Variants in OPCML observed in about 807,000 individuals in gnomAD.
The protein encoded by OPCML is opioid-binding protein/cell adhesion molecule.
Under a neutral mutation model 37.8 loss-of-function variants are expected in OPCML, and 13 were observed. That is an observed-to-expected ratio of 0.34 (90% CI 0.22 to 0.55). The LOEUF (loss-of-function observed/expected upper bound fraction) is 0.55, where lower values mean the gene tolerates loss of function less well. Among genes scored for constraint, OPCML ranks in the 20% least tolerant of loss-of-function variants. The pLI is 0.91. For missense variants in OPCML, 341 were observed against 435.6 expected, an observed-to-expected ratio of 0.78 and a Z score of 1.93; for synonymous variants, 176 against 168.8, an observed-to-expected ratio of 1.04 and a Z score of -0.33.
At chr11:133,478,832 A>AT (rs11409105) in intron 1 of OPCML, among the ~76,000 whole-genome samples, 22,587 of 146,312 alleles carry the variant, frequency 0.15, 4,399 homozygotes, top group African/African-American at 0.46. Context: ...TGCTGTAACC[A>AT]TTTTTTTTTT....
chr11:132,932,136 T>C (rs772520917), intron 2 of OPCML, among the ~76,000 whole-genome samples: 1 of 152,154 alleles, frequency 6.6e-6, no homozygotes, highest in Non-Finnish European at 1.5e-5. Context: ...GAATAGTAGT[T>C]TCCAGAAGCT....
At chr11:133,351,689 A>G (rs902136570) in intron 1 of OPCML, among the ~76,000 whole-genome samples, 30 of 152,048 alleles carry the variant, frequency 2.0e-4, no homozygotes, top group Admixed American at 1.2e-3. Flanking sequence ...CCAAACCTAT[A>G]TCCTTAACCC....
intron 3 of OPCML, among the ~76,000 whole-genome samples, chr11:132,584,875 C>T (rs375432560): frequency 4.6e-5 from 7 of 152,202 alleles, no homozygotes; most frequent in African/African-American, 1.7e-4. Flanking sequence ...CGACAGAAAA[C>T]AGAAAGTAGC....
intron 1 of OPCML, among the ~76,000 whole-genome samples, chr11:133,090,535 G>A (rs557575547): frequency 6.6e-6 from 1 of 152,280 alleles, no homozygotes; most frequent in Non-Finnish European, 1.5e-5. Context: ...GAGAAATAAT[G>A]TATTAGAAAC....
intron 2 of OPCML, among the ~76,000 whole-genome samples, chr11:132,823,348 C>T (rs1940104824): frequency 6.6e-6 from 1 of 152,174 alleles, no homozygotes; most frequent in Non-Finnish European, 1.5e-5. Flanking sequence ...ATTTAGGAAA[C>T]TATCCGCACC....
intron 1 of OPCML, among the ~76,000 whole-genome samples, chr11:133,470,544 A>G (rs1229047648): frequency 6.6e-6 from 1 of 152,136 alleles, no homozygotes; most frequent in Non-Finnish European, 1.5e-5. Context: ...AAGCTGGCAA[A>G]GTGTGATGTC....
At position 132,703,852 on chromosome 11, in the gene OPCML, T is replaced by C. The variant is rs565417620; in HGVS notation, c.147-46533A>G. ...TAGGGCAGGCCTCAGCCTGAGTCCA[T>C]GAATCTAGCCTGGTGCTGAGGCAGG... On this transcript the variant is annotated intron_variant, in intron 2 of 7. Coordinates refer to ENST00000524381, the MANE Select transcript of OPCML (RefSeq NM_001012393.5). Among the ~76,000 whole-genome samples the C allele has an allele frequency of 2.2e-4, 33 of 152,262 alleles. 1 individual carries two copies. The Middle Eastern group carries it at 0.017, about 78-fold the overall frequency.
At chr11:132,960,465 A>G (rs1340276580) in intron 1 of OPCML, among the ~76,000 whole-genome samples, 1 of 152,182 alleles carries the variant, frequency 6.6e-6, no homozygotes, top group African/African-American at 2.4e-5. Flanking sequence ...GTGGAGGTCA[A>G]CAGGGGAACA....
intron 1 of OPCML, among the ~76,000 whole-genome samples, chr11:133,518,708 G>A (rs11602002): frequency 1.3e-5 from 2 of 149,504 alleles, no homozygotes; most frequent in South Asian, 2.1e-4. Flanking sequence ...GGCAGTGGCA[G>A]GTGCTGGTGT....
chr11:132,422,283 G>A (rs535195947), intron 7 of OPCML, among the ~76,000 whole-genome samples: 10 of 152,180 alleles, frequency 6.6e-5, no homozygotes, highest in Non-Finnish European at 1.2e-4. Flanking sequence ...CCATGCCATC[G>A]GCCCAAGGTT....
At chr11:132,953,866 A>T (rs1233784364) in intron 1 of OPCML, among the ~76,000 whole-genome samples, 1 of 152,170 alleles carries the variant, frequency 6.6e-6, no homozygotes, top group Non-Finnish European at 1.5e-5. Flanking sequence ...TATTTAAAGA[A>T]CGAGCAAAAT....
chr11:133,230,709 C>G (rs1031055281), intron 1 of OPCML, among the ~76,000 whole-genome samples: 17 of 152,152 alleles, frequency 1.1e-4, no homozygotes, highest in Non-Finnish European at 1.5e-5. Context: ...TCAGCCTGGC[C>G]ACCCCATCAC....
intron 1 of OPCML, among the ~76,000 whole-genome samples, chr11:133,473,104 T>C (rs190464938): frequency 5.3e-5 from 8 of 152,302 alleles, no homozygotes; most frequent in Non-Finnish European, 1.0e-4. Context: ...CAAATCATTC[T>C]TCAGGAAAGA....
At chr11:132,825,211 G>A (rs1940229331) in intron 2 of OPCML, among the ~76,000 whole-genome samples, 1 of 152,032 alleles carries the variant, frequency 6.6e-6, no homozygotes, top group Non-Finnish European at 1.5e-5. Flanking sequence ...CTGGCACGTA[G>A]CCTAATTTAA....
intron 1 of OPCML, among the ~76,000 whole-genome samples, chr11:133,213,986 G>C (rs1231073684): frequency 6.6e-6 from 1 of 152,120 alleles, no homozygotes; most frequent in Non-Finnish European, 1.5e-5. Context: ...TCAGATGTAT[G>C]ATGAAAATGG....
intron 3 of OPCML, among the ~76,000 whole-genome samples, chr11:132,586,551 G>T (rs976755453): frequency 6.6e-6 from 1 of 152,186 alleles, no homozygotes; most frequent in African/African-American, 2.4e-5. Context: ...GAAGCATTTT[G>T]TATACTCCTG....
chr11:132,637,044 C>G (rs1410032298), intron 3 of OPCML, among the ~76,000 whole-genome samples: 2 of 152,114 alleles, frequency 1.3e-5, no homozygotes, highest in Non-Finnish European at 2.9e-5. Context: ...ACTAGCCAAG[C>G]ATTTAATCAC....
intron 1 of OPCML, among the ~76,000 whole-genome samples, chr11:133,202,054 T>C (rs1022919884): frequency 8.6e-5 from 13 of 151,896 alleles, no homozygotes; most frequent in Middle Eastern, 3.2e-3. Flanking sequence ...ACATAAAAAA[T>C]AATTCACTGT....
intron 4 of OPCML, among the ~76,000 whole-genome samples, chr11:132,527,346 G>A (rs7951418): frequency 0.011 from 1,633 of 152,232 alleles, 32 homozygotes; most frequent in African/African-American, 0.037. Flanking sequence ...CACAGTTGCA[G>A]AGTTAATATA....
Sources: gnomAD v4.1 joint callset for allele counts (sites outside exome capture counted in the v4.1 genomes callset) on GRCh38, gnomAD v4.1.1 for gene constraint, MANE v1.5 for transcripts, NCBI Gene and HGNC (gene_info 2026-07-23, HGNC 2026-07-21) for gene names.